The following SPPL2A variants were observed in gnomAD, a reference collection of about 807,000 sequenced individuals.
The protein encoded by SPPL2A is signal peptide peptidase-like 2A.
In SPPL2A, 51 loss-of-function variants were observed where a neutral mutation model predicts 63.8. That is an observed-to-expected ratio of 0.80 (90% CI 0.64 to 1.01). The LOEUF is 1.01. Among genes scored for constraint, SPPL2A ranks in the 50% least tolerant of loss-of-function variants. The pLI, the probability that SPPL2A is intolerant of heterozygous loss-of-function variation, is 0.00. For missense variants in SPPL2A, 553 were observed against 622.7 expected (o/e 0.89, Z 1.19); for synonymous variants, 188 against 205.8 (o/e 0.91, Z 0.74).
At chr15:50,739,564 CA>C in intron 6 of SPPL2A, 115 bp downstream of exon 6, 1 of 663,648 alleles carries the variant, frequency 1.5e-6, no homozygotes, top group South Asian at 3.2e-5. Context: ...TAATATTAAC[CA>C]AATTATTCAC....
At chr15:50,760,596 A>G (rs1434920631) in intron 1 of SPPL2A, among the ~76,000 whole-genome samples, 4 of 152,030 alleles carry the variant, frequency 2.6e-5, no homozygotes, top group Non-Finnish European at 5.9e-5. Flanking sequence ...TCCTATCATG[A>G]GGGTCCCGTC....
intron 1 of SPPL2A, among the ~76,000 whole-genome samples, chr15:50,762,773 C>T (rs1010775697): frequency 6.7e-6 from 1 of 148,844 alleles, no homozygotes; most frequent in African/African-American, 2.5e-5. Context: ...CGCTCTGTCA[C>T]ACAGGCTGGA....
chr15:50,751,391 G>T (rs1325875722), intron 1 of SPPL2A, among the ~76,000 whole-genome samples: 1 of 152,170 alleles, frequency 6.6e-6, no homozygotes, highest in Admixed American at 6.6e-5. Flanking sequence ...AGGTCATATA[G>T]TAAAATCATT....
At chr15:50,757,084 CCTTT>C (rs981515498) in intron 1 of SPPL2A, among the ~76,000 whole-genome samples, 2 of 107,346 alleles carry the variant, frequency 1.9e-5, no homozygotes. Flanking sequence ...CATCCTAAAT[CCTTT>C]CTTTTTTTTT....
intron 8 of SPPL2A, 52 bp from the exon 9 acceptor site, chr15:50,732,736 T>C (rs930907542): frequency 2.8e-6 from 3 of 1,089,266 alleles, no homozygotes; most frequent in African/African-American, 3.1e-5. Flanking sequence ...AGATGAAGCC[T>C]TTCAAAAGAC....
rs368435179 is a variant in SPPL2A at position 50,709,441 on chromosome 15, A to C, written c.1489-1567T>G. The stretch of plus-strand genomic sequence containing the variant: ...TTGACTTGCCAGGCAGAAAGAATAC[A>C]ACGTGAGCTAAGGCTTTTGGCTGAC... On this transcript the variant is annotated intron_variant, in intron 14 of 14. Transcript: ENST00000261854. Among the ~76,000 whole-genome samples the C allele has an allele frequency of 7.2e-5, 11 of 152,218 alleles. No homozygotes were observed. In the East Asian group the frequency reaches 1.2e-3, roughly 16 times the overall value.
chr15:50,742,343 T>C (rs2062828348), intron 5 of SPPL2A, among the ~76,000 whole-genome samples: 1 of 151,394 alleles, frequency 6.6e-6, no homozygotes. Flanking sequence ...TGAGCCAAGA[T>C]CGCGCCATTG....
chr15:50,738,406 G>A (rs371370371), intron 6 of SPPL2A, among the ~76,000 whole-genome samples: 1 of 151,840 alleles, frequency 6.6e-6, no homozygotes, highest in Admixed American at 6.6e-5. Context: ...AAAATTAGTC[G>A]GGCACAGTGG....
At position 50,707,503 on chromosome 15, in the gene SPPL2A, TA is replaced by T. The variant is rs1022031889; in HGVS notation, c.*296del. On this transcript the variant is annotated 3_prime_UTR_variant, in exon 15 of 15. Transcript: ENST00000261854. The stretch of plus-strand genomic sequence containing the variant: ...CAGAGCTGAAAGAAACAGATTTCGT[TA>T]AAAAAAAGTATAGGGGTGGGTCAAG... 71 of 242,144 alleles carry T rather than the reference TA, an allele frequency of 2.9e-4. No homozygotes were observed. The highest frequency in any genetic ancestry group is 2.6e-3 in the Middle Eastern group (2 of 760). The allele number at this position is 242,144 out of a possible 1,614,324, so 15.0% of individuals were successfully genotyped here.
intron 14 of SPPL2A, among the ~76,000 whole-genome samples, chr15:50,711,206 C>CT (rs1302695528): frequency 0.18 from 20,628 of 115,590 alleles, 2,366 homozygotes; most frequent in East Asian, 0.49. Flanking sequence ...AATTAGTATC[C>CT]TTTTTTTTTT....
intron 13 of SPPL2A, among the ~76,000 whole-genome samples, chr15:50,721,128 G>A (rs1477019964): frequency 1.3e-5 from 2 of 151,970 alleles, no homozygotes; most frequent in Non-Finnish European, 2.9e-5. Flanking sequence ...CCACTTCCCA[G>A]GTTCAAGCAA....
At chr15:50,757,184 G>A (rs1375106441) in intron 1 of SPPL2A, among the ~76,000 whole-genome samples, 2 of 150,218 alleles carry the variant, frequency 1.3e-5, no homozygotes, top group African/African-American at 2.5e-5. Context: ...TGGGATTCAC[G>A]CCATTCTCCT....
chr15:50,758,951 C>T (rs2062986024), intron 1 of SPPL2A, among the ~76,000 whole-genome samples: 1 of 152,016 alleles, frequency 6.6e-6, no homozygotes, highest in Non-Finnish European at 1.5e-5. Flanking sequence ...CACTCTATCA[C>T]CCAGGCTACA....
chr15:50,703,982 T>C lies in SPPL2A; in HGVS notation c.*3818A>G, dbSNP rs929581441. The stretch of plus-strand genomic sequence containing the variant: ...AAAATATAAGAATGCCAATAGCAGA[T>C]GGGTTAAAATTCTCTTTAAAAGAGA... On this transcript the variant is annotated 3_prime_UTR_variant, in exon 15 of 15. Coordinates refer to ENST00000261854, the MANE Select transcript of SPPL2A (RefSeq NM_032802.4). 1 of 151,984 alleles carries C rather than the reference T, an allele frequency of 6.6e-6. No homozygotes were observed. The highest frequency in any genetic ancestry group is 1.5e-5 in the Non-Finnish European group (1 of 67,998). 9.4% of individuals were successfully genotyped at this position (151,984 alleles called of 1,614,324 possible).
At position 50,726,372 on chromosome 15, in the gene SPPL2A, A is replaced by G. The variant is rs1376346931; in HGVS notation, c.1095T>C (p.Gly365=). 28 of 1,613,676 alleles carry G rather than the reference A, an allele frequency of 1.7e-5. No homozygotes were observed. The highest frequency in any genetic ancestry group is 2.3e-5 in the Non-Finnish European group (27 of 1,179,580). Residue 365 remains glycine, a synonymous_variant, in exon 11 of 15, where the codon GGT becomes GGC. Transcript: ENST00000261854. ...CTGCGAGTTCAACCATGATACTCTC[A>G]CCATTCTAAAATTGAGAAGGAAAAG... is the stretch of plus-strand genomic sequence containing the variant. ...VFITPFITKN[G]ESIMVELAAG...
intron 12 of SPPL2A, among the ~76,000 whole-genome samples, chr15:50,724,674 G>C (rs1295878057): frequency 6.6e-6 from 1 of 152,130 alleles, no homozygotes; most frequent in Non-Finnish European, 1.5e-5. Flanking sequence ...CTTGGATTAA[G>C]TTTATTCTAC....
At chr15:50,711,597 G>C (rs1352690955) in intron 14 of SPPL2A, among the ~76,000 whole-genome samples, 1 of 152,162 alleles carries the variant, frequency 6.6e-6, no homozygotes, top group Non-Finnish European at 1.5e-5. Flanking sequence ...AAGACTCGAA[G>C]TAAGATCCTG....
rs1368205303 is a variant in SPPL2A, at chr15:50,703,896, TG to T, written c.*3903del. On this transcript the variant is annotated 3_prime_UTR_variant, in exon 15 of 15. Coordinates refer to ENST00000261854, the MANE Select transcript of SPPL2A (RefSeq NM_032802.4). The stretch of plus-strand genomic sequence containing the variant: ...CATAAATTGAAAGAGCAAAGAAAAC[TG>T]GAAAGCTCATTTGTATTTATTATAA... The T allele has an allele frequency of 6.6e-6, 1 of 152,072 alleles. No individual in the cohort carries two copies. The highest frequency in any genetic ancestry group is 2.4e-5 in the African/African-American group (1 of 41,410). The allele number at this position is 152,072 out of a possible 1,614,324, so 9.4% of individuals were successfully genotyped here. A position where few individuals can be genotyped will look rare whatever the true frequency, so the allele number is the denominator to read the frequency against.
intron 1 of SPPL2A, among the ~76,000 whole-genome samples, chr15:50,752,399 T>C (rs56811013): frequency 0.25 from 37,837 of 151,474 alleles, 5,672 homozygotes; most frequent in East Asian, 0.55. Context: ...ATGGCCGATA[T>C]GGCAAAACCC....
Sources: gnomAD v4.1 joint callset for allele counts (sites outside exome capture counted in the v4.1 genomes callset) on GRCh38, gnomAD v4.1.1 for gene constraint, MANE v1.5 for transcripts, NCBI Gene and HGNC (gene_info 2026-07-23, HGNC 2026-07-21) for gene names.